CUBN: variants seen among roughly 807,000 people sequenced by gnomAD.
CUBN encodes cubilin.
Under a neutral mutation model 405.3 loss-of-function variants are expected in CUBN, and 282 were observed. The observed-to-expected ratio is 0.70, with a 90% CI of 0.63 to 0.77. The LOEUF (loss-of-function observed/expected upper bound fraction) is 0.77. Among genes scored for constraint, CUBN ranks in the 30% least tolerant of loss-of-function variants. The pLI, the probability that CUBN is intolerant of heterozygous loss-of-function variation, is 0.00. For missense variants in CUBN, 4,514 were observed against 4,475.2 expected (o/e 1.01, Z -0.25); for synonymous variants, 1,684 against 1,617.0 (o/e 1.04, Z -0.99).
intron 31 of CUBN, among the ~76,000 whole-genome samples, chr10:16,965,058 C>T (rs1222462780): frequency 4.6e-5 from 7 of 152,172 alleles, no homozygotes; most frequent in South Asian, 2.1e-4. Context: ...TTTGGGGAAC[C>T]GCCCCCATCC....
intron 27 of CUBN, among the ~76,000 whole-genome samples, chr10:17,025,528 T>C (rs1256632297): frequency 5.3e-5 from 8 of 152,172 alleles, no homozygotes; most frequent in Non-Finnish European, 7.3e-5. Flanking sequence ...ATAAACCACG[T>C]AAAAGGTTTG....
At chr10:17,044,093 T>C in intron 25 of CUBN, 110 bp from the exon 26 acceptor site, 1 of 280,586 alleles carries the variant, frequency 3.6e-6, no homozygotes, top group Non-Finnish European at 6.0e-6. Flanking sequence ...ATTATGTATA[T>C]ATATTATAAA....
At chr10:16,977,964 G>C (rs1293673775) in intron 31 of CUBN, among the ~76,000 whole-genome samples, 1 of 152,184 alleles carries the variant, frequency 6.6e-6, no homozygotes, top group Non-Finnish European at 1.5e-5. Flanking sequence ...ATGATGTCTA[G>C]AATGTTAATA....
chr10:17,044,375 T>C (rs7076142), intron 25 of CUBN, among the ~76,000 whole-genome samples: 1 of 150,330 alleles, frequency 6.7e-6, no homozygotes, highest in Non-Finnish European at 1.5e-5. Context: ...AATAACCTTA[T>C]AAATTATATT....
rs192189779 is a variant in CUBN at position 17,107,112 on chromosome 10, G to A, written c.1112-1537C>T. On this transcript the variant is annotated intron_variant, in intron 10 of 66. Coordinates refer to ENST00000377833, the MANE Select transcript of CUBN (RefSeq NM_001081.4). ...ATTTAAAACATGAATTAACATCCAC[G>A]ATTAATTATGATGTACATGAGGTAA... Among the ~76,000 whole-genome samples the A allele has an allele frequency of 1.2e-4, 19 of 152,232 alleles. No individual in the cohort carries two copies. The East Asian group carries it at 2.9e-3, about 23-fold the overall frequency.
At chr10:17,036,558 C>T (rs1834905177) in intron 27 of CUBN, among the ~76,000 whole-genome samples, 1 of 152,114 alleles carries the variant, frequency 6.6e-6, no homozygotes, top group Admixed American at 6.6e-5. Flanking sequence ...TTCGGTGCCA[C>T]CACCAAGAGT....
At chr10:16,910,395 A>G (rs1841694649) in intron 48 of CUBN, among the ~76,000 whole-genome samples, 2 of 152,204 alleles carry the variant, frequency 1.3e-5, no homozygotes, top group African/African-American at 2.4e-5. Flanking sequence ...TAAACATTGA[A>G]CATATAAAAA....
chr10:17,099,278 TA>T (rs1836443372), intron 14 of CUBN, among the ~76,000 whole-genome samples: 1 of 152,000 alleles, frequency 6.6e-6, no homozygotes, highest in South Asian at 2.1e-4. Context: ...ACTTGCATAG[TA>T]AAAACTTAAA....
At chr10:16,895,186 A>T (rs1360871026) in intron 54 of CUBN, among the ~76,000 whole-genome samples, 3 of 152,136 alleles carry the variant, frequency 2.0e-5, no homozygotes, top group Admixed American at 6.5e-5. Context: ...GTTTTAATAT[A>T]CTCAAAGAAC....
intron 31 of CUBN, among the ~76,000 whole-genome samples, chr10:16,957,815 T>C (rs1843110003): frequency 6.6e-6 from 1 of 151,526 alleles, no homozygotes; most frequent in South Asian, 2.1e-4. Context: ...AGCCAAAATA[T>C]GGAATCAACC....
intron 28 of CUBN, among the ~76,000 whole-genome samples, chr10:17,002,077 T>C (rs1414305279): frequency 6.6e-6 from 1 of 152,216 alleles, no homozygotes; most frequent in African/African-American, 2.4e-5. Context: ...TCCTTGGATA[T>C]GTAATGTTTG....
chr10:17,035,677 CT>C (rs994263911), intron 27 of CUBN, among the ~76,000 whole-genome samples: 1 of 152,122 alleles, frequency 6.6e-6, no homozygotes, highest in African/African-American at 2.4e-5. Flanking sequence ...AGATCAGGTC[CT>C]TTGCAAGAAT....
intron 28 of CUBN, among the ~76,000 whole-genome samples, chr10:17,002,081 A>C (rs182775465): frequency 1.4e-3 from 220 of 152,314 alleles, no homozygotes; most frequent in Non-Finnish European, 2.5e-3. Context: ...TGGATATGTA[A>C]TGTTTGAAAC....
chr10:16,919,942 A>C (rs1564424183), intron 44 of CUBN, 21 bp downstream of exon 44: 8 of 1,611,570 alleles, frequency 5.0e-6, no homozygotes, highest in Non-Finnish European at 6.8e-6. Flanking sequence ...TAGGAAAAAA[A>C]TGAAAATGGA....
intron 59 of CUBN, among the ~76,000 whole-genome samples, chr10:16,862,923 G>T (rs1188046129): frequency 6.6e-6 from 1 of 152,100 alleles, no homozygotes; most frequent in Admixed American, 6.6e-5. Context: ...ACTTAGTTTG[G>T]TCTCCACAAT....
intron 22 of CUBN, among the ~76,000 whole-genome samples, chr10:17,055,789 A>G (rs1835380225): frequency 1.3e-5 from 2 of 152,242 alleles, no homozygotes; most frequent in South Asian, 4.2e-4. Flanking sequence ...GAATAAATGG[A>G]GAGGTAAAAT....
intron 31 of CUBN, among the ~76,000 whole-genome samples, chr10:16,964,140 C>T (rs1013084069): frequency 2.0e-5 from 3 of 152,026 alleles, no homozygotes; most frequent in Middle Eastern, 3.4e-3. Flanking sequence ...ATTATATAGT[C>T]GGTATTTCTC....
At chr10:17,037,001 C>T (rs1834918069) in intron 27 of CUBN, among the ~76,000 whole-genome samples, 1 of 152,128 alleles carries the variant, frequency 6.6e-6, no homozygotes, top group African/African-American at 2.4e-5. Flanking sequence ...ATATGAACAA[C>T]CTATATCTGC....
intron 19 of CUBN, among the ~76,000 whole-genome samples, chr10:17,069,504 C>A (rs2131846528): frequency 1.3e-5 from 2 of 152,222 alleles, no homozygotes; most frequent in South Asian, 4.1e-4. Context: ...TTATCTGACT[C>A]TTTTTATTAT....
Sources: gnomAD v4.1 joint callset for allele counts (sites outside exome capture counted in the v4.1 genomes callset) on GRCh38, gnomAD v4.1.1 for gene constraint, MANE v1.5 for transcripts, NCBI Gene and HGNC (gene_info 2026-07-23, HGNC 2026-07-21) for gene names.